The following ANKMY2 variants were observed in gnomAD, a reference collection of about 807,000 sequenced individuals.
The protein encoded by ANKMY2 is ankyrin repeat and MYND domain containing 2, also known as ankyrin repeat and MYND domain-containing protein 2.
In ANKMY2, 36 loss-of-function variants were observed where a neutral mutation model predicts 50.4. The ratio of observed to expected loss-of-function variants is 0.71; its 90% CI spans 0.55 to 0.94. The LOEUF (loss-of-function observed/expected upper bound fraction) is 0.94, where lower values mean the gene tolerates loss of function less well. Ranked by LOEUF, ANKMY2 falls within the 40% of genes least tolerant of loss-of-function variation. ANKMY2 has a pLI of 0.00. For synonymous variants in ANKMY2, 187 were observed against 178.8 expected (o/e 1.05, Z -0.36); for missense variants, 565 against 524.0 (o/e 1.08, Z -0.76).
At chr7:16,624,852 A>C (rs1380818884) in intron 4 of ANKMY2, 131 bp downstream of exon 4, 2 of 679,470 alleles carry the variant, frequency 2.9e-6, no homozygotes, top group Non-Finnish European at 5.0e-6. Context: ...ATTAAGTTAC[A>C]GTGGACTGTA....
intron 5 of ANKMY2, among the ~76,000 whole-genome samples, 161 bp from the exon 6 acceptor site, chr7:16,610,924 A>C (rs1781240543): frequency 6.6e-6 from 1 of 152,246 alleles, no homozygotes; most frequent in Non-Finnish European, 1.5e-5. Context: ...CCCAGAACTT[A>C]TAGAACTAAT....
At chr7:16,612,661 G>C (rs2128342752) in intron 5 of ANKMY2, among the ~76,000 whole-genome samples, 2 of 152,088 alleles carry the variant, frequency 1.3e-5, no homozygotes, top group African/African-American at 4.8e-5. Flanking sequence ...TTTTTGTTTG[G>C]AGACATCAGA....
intron 6 of ANKMY2, 21 bp downstream of exon 6, chr7:16,610,528 A>G: frequency 6.4e-7 from 1 of 1,565,706 alleles, no homozygotes; most frequent in Non-Finnish European, 8.7e-7. Flanking sequence ...TATTTTATAA[A>G]CGACATAGTA....
chr7:16,603,660 A>G (rs917369878), intron 8 of ANKMY2: 8 of 471,058 alleles, frequency 1.7e-5, no homozygotes, highest in African/African-American at 1.6e-4. Flanking sequence ...AGTTCTCTGC[A>G]CTGAAGGGGA....
At chr7:16,618,520 T>G (rs1212924590) in intron 4 of ANKMY2, among the ~76,000 whole-genome samples, 1 of 152,208 alleles carries the variant, frequency 6.6e-6, no homozygotes, top group Non-Finnish European at 1.5e-5. Flanking sequence ...CACAATACCA[T>G]TTTTGGTACT....
chr7:16,628,160 C>T (rs553005166), intron 2 of ANKMY2, among the ~76,000 whole-genome samples: 26 of 152,252 alleles, frequency 1.7e-4, no homozygotes, highest in African/African-American at 5.8e-4. Context: ...GTAGGCGAAA[C>T]GCTGTAAGTA....
At chr7:16,601,356 T>G (rs1051639479) in intron 9 of ANKMY2, among the ~76,000 whole-genome samples, 25 of 152,268 alleles carry the variant, frequency 1.6e-4, no homozygotes, top group African/African-American at 5.8e-4. Flanking sequence ...TGGTGAAGAA[T>G]AAAGTTGTCT....
chr7:16,615,867 A>G lies in ANKMY2; in HGVS notation c.408T>C (p.Phe136=). Reference sequence around the variant, plus strand: ...TGTAATAATCCAGTCTCTCTCGAGGAAAGAAATTGTTGATTATGGTCACAC... The same window carrying G: ...TGTAATAATCCAGTCTCTCTCGAGGGAAGAAATTGTTGATTATGGTCACAC... ...HDCVTIINNF[F]PRERLDYYTK... The change falls in exon 5 of 10, where the codon TTT becomes TTC. Residue 136 remains phenylalanine, a synonymous_variant. Transcript: ENST00000306999. 6.2e-7 allele frequency: 1 copy of G among 1,613,802 alleles called. No individual in the cohort carries two copies. Among genetic ancestry groups the G allele is most frequent in the Non-Finnish European group, 8.5e-7 (1 of 1,179,880 alleles).
At chr7:16,607,395 G>C (rs774882665) in intron 7 of ANKMY2, among the ~76,000 whole-genome samples, 1 of 151,864 alleles carries the variant, frequency 6.6e-6, no homozygotes, top group Non-Finnish European at 1.5e-5. Context: ...GTGAAAACCC[G>C]TCTTTACTAA....
intron 2 of ANKMY2, among the ~76,000 whole-genome samples, chr7:16,633,073 C>T (rs1213969920): frequency 6.6e-6 from 1 of 152,038 alleles, no homozygotes; most frequent in African/African-American, 2.4e-5. Context: ...TATCCAGATC[C>T]TTGGCTCATT....
chr7:16,642,316 G>A (rs1303390649), intron 1 of ANKMY2, among the ~76,000 whole-genome samples: 1 of 152,140 alleles, frequency 6.6e-6, no homozygotes, highest in Non-Finnish European at 1.5e-5. Context: ...AACTCTACAA[G>A]TCATATAAGC....
rs1781087811 is a variant in ANKMY2 at position 16,602,489 on chromosome 7, G to A, written c.1032C>T (p.Thr344=). The part of the protein sequence containing the change: ...VCKMVIYCDQ[T]CQKTHWFTHK... Reference sequence around the variant, plus strand: ...GAGTAAACCAGTGTGTTTTCTGGCAGGTTTGATCACAATATATTACCTGAA... The same window carrying A: ...GAGTAAACCAGTGTGTTTTCTGGCAAGTTTGATCACAATATATTACCTGAA... Residue 344 remains threonine, a synonymous_variant, in exon 9 of 10, where the codon ACC becomes ACT. Coordinates refer to ENST00000306999, the MANE Select transcript of ANKMY2 (RefSeq NM_020319.3). 6.2e-7 allele frequency: 1 copy of A among 1,612,774 alleles called. No homozygotes were observed. The highest frequency in any genetic ancestry group is 1.3e-5 in the African/African-American group (1 of 74,800).
intron 4 of ANKMY2, among the ~76,000 whole-genome samples, chr7:16,616,668 C>T (rs1461841167): frequency 1.3e-5 from 2 of 152,208 alleles, no homozygotes. Context: ...CACAGGAGGG[C>T]GGGCGCAGGC....
At chr7:16,620,739 T>C (rs1362719836) in intron 4 of ANKMY2, among the ~76,000 whole-genome samples, 1 of 152,108 alleles carries the variant, frequency 6.6e-6, no homozygotes, top group Middle Eastern at 3.2e-3. Context: ...TAAATACCTG[T>C]TAAGAGAGGG....
chr7:16,627,254 A>G, intron 2 of ANKMY2, 76 bp from the exon 3 acceptor site: 1 of 961,906 alleles, frequency 1.0e-6, no homozygotes, highest in South Asian at 2.1e-5. Context: ...TTCTGCAATT[A>G]GAAACATAAA....
chr7:16,611,298 T>G (rs1173810120), intron 5 of ANKMY2, among the ~76,000 whole-genome samples: 1 of 152,220 alleles, frequency 6.6e-6, no homozygotes, highest in African/African-American at 2.4e-5. Context: ...TATGGAAATT[T>G]TCCTGAAGAT....
chr7:16,609,605 T>G, intron 7 of ANKMY2, 25 bp downstream of exon 7: 1 of 1,574,414 alleles, frequency 6.4e-7, no homozygotes, highest in Non-Finnish European at 8.6e-7. Context: ...ACTGATAGAG[T>G]CAACTTAGGT....
intron 1 of ANKMY2, among the ~76,000 whole-genome samples, chr7:16,636,697 A>G (rs1425111723): frequency 6.6e-6 from 1 of 152,196 alleles, no homozygotes; most frequent in Non-Finnish European, 1.5e-5. Flanking sequence ...ACCTTAAAGT[A>G]TATTACATTG....
chr7:16,636,497 T>C, intron 1 of ANKMY2, 42 bp from the exon 2 acceptor site: 1 of 1,454,962 alleles, frequency 6.9e-7, no homozygotes, highest in South Asian at 1.3e-5. Flanking sequence ...TATTCGTCAC[T>C]AGAATAAGAG....
Sources: allele counts gnomAD v4.1 joint callset (sites outside exome capture counted in the v4.1 genomes callset), GRCh38; gene constraint gnomAD v4.1.1; transcripts MANE v1.5; gene names NCBI Gene and HGNC (gene_info 2026-07-23, HGNC 2026-07-21).